TBCEL: variants seen among roughly 807,000 people sequenced by gnomAD.
The protein encoded by TBCEL is tubulin-specific chaperone cofactor E-like protein.
Under a neutral mutation model 44.2 loss-of-function variants are expected in TBCEL, and 15 were observed. The ratio of observed to expected loss-of-function variants is 0.34; its 90% confidence interval spans 0.23 to 0.52. The LOEUF (loss-of-function observed/expected upper bound fraction) is 0.52, where lower values mean the gene tolerates loss of function less well. Ranked by LOEUF, TBCEL falls within the 20% of genes least tolerant of loss-of-function variation. The pLI, the probability that TBCEL is intolerant of heterozygous loss-of-function variation, is 0.95. For missense variants in TBCEL, 319 were observed against 506.3 expected (o/e 0.63, Z 3.55); for synonymous variants, 171 against 185.4 (o/e 0.92, Z 0.63).
chr11:121,047,157 A>T (rs1268920812), intron 3 of TBCEL, among the ~76,000 whole-genome samples: 1 of 152,092 alleles, frequency 6.6e-6, no homozygotes, highest in East Asian at 1.9e-4. Context: ...AAAAGAAAGA[A>T]TTGAGGCCTA....
At chr11:121,030,005 A>G (rs947970366) in intron 1 of TBCEL, among the ~76,000 whole-genome samples, 7 of 152,212 alleles carry the variant, frequency 4.6e-5, no homozygotes, top group African/African-American at 1.4e-4. Context: ...GATAAGTGCT[A>G]TAAAGAATGA....
chr11:121,061,190 A>G (rs952566987), intron 8 of TBCEL, among the ~76,000 whole-genome samples: 1 of 152,056 alleles, frequency 6.6e-6, no homozygotes, highest in African/African-American at 2.4e-5. Flanking sequence ...ACCTAGGTAT[A>G]TTAGGTTAAA....
intron 4 of TBCEL, among the ~76,000 whole-genome samples, chr11:121,049,941 T>C (rs1160398017): frequency 2.0e-5 from 3 of 151,814 alleles, no homozygotes; most frequent in Non-Finnish European, 4.4e-5. Flanking sequence ...ACTGTATTTA[T>C]ACTCAGTTTG....
At position 121,087,154 on chromosome 11, in the gene TBCEL, T is replaced by G. The variant is rs949895070; in HGVS notation, c.*58T>G. On this transcript the variant is annotated 3_prime_UTR_variant, in exon 9 of 9. Coordinates refer to ENST00000683345, the MANE Select transcript of TBCEL (RefSeq NM_001363644.2). Reference sequence around the variant, plus strand: ...AGGACTTGTTGCAGGGCATTTGTTTTTAATGTGGTTTTCTTTAGGAGGGAG... The same window carrying G: ...AGGACTTGTTGCAGGGCATTTGTTTGTAATGTGGTTTTCTTTAGGAGGGAG... 1.1e-5 allele frequency: 17 copies of G among 1,493,900 alleles called. No homozygotes were observed. Among genetic ancestry groups the G allele is most frequent in the Middle Eastern group, 1.8e-4 (1 of 5,642 alleles). 92.5% of individuals were successfully genotyped at this position (1,493,900 alleles called of 1,614,324 possible).
intron 8 of TBCEL, among the ~76,000 whole-genome samples, chr11:121,064,948 C>T (rs1258254234): frequency 6.6e-6 from 1 of 152,098 alleles, no homozygotes; most frequent in African/African-American, 2.4e-5. Flanking sequence ...TGCTCAGCCT[C>T]CCGAGTAGCT....
In TBCEL at chr11:121,089,350, T is replaced by C. The variant is rs529064486; in HGVS notation, c.*2254T>C. ...ACACAGTGTTTATCAACTGCGGACA[T>C]AATTCTTTTATTATACAGTTGCATG... is the stretch of plus-strand genomic sequence containing the variant. On this transcript the variant is annotated 3_prime_UTR_variant, in exon 9 of 9. Transcript: ENST00000683345. 6.6e-6 allele frequency: 1 copy of C among 152,340 alleles called. No homozygotes were observed. Among genetic ancestry groups the C allele is most frequent in the African/African-American group, 2.4e-5 (1 of 41,574 alleles). The allele number at this position is 152,340 out of a possible 1,614,324, so 9.4% of individuals were successfully genotyped here.
rs1395452913 is a variant in TBCEL at position 121,090,538 on chromosome 11, C to T, written c.*3442C>T. On this transcript the variant is annotated 3_prime_UTR_variant, in exon 9 of 9. Transcript: ENST00000683345. ...TGTGTTACCAGATGTGTTGTGAACA[C>T]TCTACTATTTTTCATAGGTGCTTCC... 1 of 152,038 alleles carries T rather than the reference C, an allele frequency of 6.6e-6. No individual in the cohort carries two copies. Among genetic ancestry groups the T allele is most frequent in the Non-Finnish European group, 1.5e-5 (1 of 68,004 alleles). The allele number at this position is 152,038 out of a possible 1,614,324, so 9.4% of individuals were successfully genotyped here.
chr11:121,047,375 G>A (rs529823984), intron 3 of TBCEL, among the ~76,000 whole-genome samples, 153 bp from the exon 4 acceptor site: 3 of 152,042 alleles, frequency 2.0e-5, no homozygotes, highest in Non-Finnish European at 4.4e-5. Context: ...TTAGGATTCA[G>A]TACCCTTTGG....
intron 4 of TBCEL, among the ~76,000 whole-genome samples, chr11:121,052,637 T>C (rs113995855): frequency 2.1e-4 from 32 of 152,056 alleles, no homozygotes; most frequent in African/African-American, 7.2e-4. Context: ...TCGCAGATTG[T>C]GCCAACTAGT....
chr11:121,079,942 G>A (rs935263230), intron 8 of TBCEL, among the ~76,000 whole-genome samples: 11 of 152,074 alleles, frequency 7.2e-5, no homozygotes, highest in African/African-American at 2.7e-4. Context: ...AGCTTCCTGA[G>A]TAGGTGGGAT....
chr11:121,047,538 C>T lies in TBCEL; in HGVS notation c.144C>T (p.Asn48=), dbSNP rs1352967831. 1 of 1,612,258 alleles carries T rather than the reference C, an allele frequency of 6.2e-7. No individual in the cohort carries two copies. The highest frequency in any genetic ancestry group is 1.7e-5 in the Admixed American group (1 of 59,878). Reference sequence around the variant, plus strand: ...TCTCTCATCATTCAGATCGCCTCAACCTCCCAAGTGTACTAGTGTTGAACA... The same window carrying T: ...TCTCTCATCATTCAGATCGCCTCAATCTCCCAAGTGTACTAGTGTTGAACA... ...PQGSPMKDRL[N]LPSVLVLNSC... The change falls in exon 4 of 9, where the codon AAC becomes AAT. Residue 48 remains asparagine, a synonymous_variant. Transcript: ENST00000683345.
At chr11:121,073,892 G>T (rs1945983949) in intron 8 of TBCEL, among the ~76,000 whole-genome samples, 1 of 151,766 alleles carries the variant, frequency 6.6e-6, no homozygotes, top group Non-Finnish European at 1.5e-5. Context: ...TGCATTCCTG[G>T]TATATTCAAC....
At chr11:121,067,066 C>G (rs115933720) in intron 8 of TBCEL, among the ~76,000 whole-genome samples, 3,296 of 152,224 alleles carry the variant, frequency 0.022, 88 homozygotes, top group African/African-American at 0.06. Context: ...GTCAGTTAAA[C>G]ATGAAATAGC....
At chr11:121,025,921 C>T (rs900591355) in intron 1 of TBCEL, among the ~76,000 whole-genome samples, 7 of 151,926 alleles carry the variant, frequency 4.6e-5, no homozygotes, top group Admixed American at 4.6e-4. Flanking sequence ...TTTTAGTTTC[C>T]TTTATCCTTT....
At chr11:121,038,061 G>A (rs1468002702) in intron 2 of TBCEL, among the ~76,000 whole-genome samples, 1 of 151,898 alleles carries the variant, frequency 6.6e-6, no homozygotes, top group African/African-American at 2.4e-5. Context: ...CCGGGTTCAA[G>A]CGATTCTCTT....
chr11:121,055,262 G>A lies in TBCEL; in HGVS notation c.666G>A (p.Leu222=), dbSNP rs760421978. The A allele has an allele frequency of 6.1e-5, 99 of 1,611,330 alleles. No homozygotes were observed. The highest frequency in any genetic ancestry group is 8.1e-5 in the Non-Finnish European group (95 of 1,178,634). The part of the protein sequence containing the change: ...LNAIEEPDDS[L]ARLFPNLRSI... ...CTATTGAGGAGCCTGATGATTCATTGGCCAGGTTGTTTCCTAATCTTCGAT... is the reference window on the plus strand; with the variant it reads ...CTATTGAGGAGCCTGATGATTCATTAGCCAGGTTGTTTCCTAATCTTCGAT... Residue 222 remains leucine (L), a synonymous_variant, in exon 6 of 9, where the codon TTG becomes TTA. Coordinates refer to ENST00000683345, the MANE Select transcript of TBCEL (RefSeq NM_001363644.2).
intron 8 of TBCEL, among the ~76,000 whole-genome samples, chr11:121,082,046 G>C (rs1434051563): frequency 6.6e-6 from 1 of 152,194 alleles, no homozygotes; most frequent in Admixed American, 6.5e-5. Context: ...CACAAAATAA[G>C]GTTGAAAAGT....
chr11:121,050,852 A>C (rs1253919302), intron 4 of TBCEL, among the ~76,000 whole-genome samples: 2 of 151,732 alleles, frequency 1.3e-5, no homozygotes, highest in African/African-American at 4.8e-5. Context: ...GTTCATCTCC[A>C]TGTTTCTGCA....
intron 3 of TBCEL, among the ~76,000 whole-genome samples, chr11:121,047,212 G>A (rs1174944984): frequency 6.6e-6 from 1 of 152,014 alleles, no homozygotes; most frequent in African/African-American, 2.4e-5. Flanking sequence ...TGGATCTCTT[G>A]TTCAGATGAT....
Sources: gnomAD v4.1 joint callset for allele counts (sites outside exome capture counted in the v4.1 genomes callset) on GRCh38, gnomAD v4.1.1 for gene constraint, MANE v1.5 for transcripts, NCBI Gene and HGNC (gene_info 2026-07-23, HGNC 2026-07-21) for gene names.